The following ZNF608 variants were observed in gnomAD, a reference collection of about 807,000 sequenced individuals.
The protein encoded by ZNF608 is renal carcinoma antigen NY-REN-36.
In ZNF608, 12 loss-of-function variants were observed where a neutral mutation model predicts 109.0. The observed-to-expected ratio is 0.11, with a 90% confidence interval of 0.07 to 0.18. The LOEUF (loss-of-function observed/expected upper bound fraction) is 0.18. Among genes scored for constraint, ZNF608 ranks in the 10% least tolerant of loss-of-function variants. The probability of loss-of-function intolerance (pLI) is 1.00; values close to 1 mark genes in which losing one functional copy is unlikely to be tolerated. For missense variants in ZNF608, 1,707 were observed against 1,879.3 expected (o/e 0.91, Z 1.70); for synonymous variants, 732 against 717.4 (o/e 1.02, Z -0.33).
intron 2 of ZNF608, among the ~76,000 whole-genome samples, chr5:124,707,050 G>T (rs566245100): frequency 6.6e-6 from 1 of 152,132 alleles, no homozygotes; most frequent in South Asian, 2.1e-4. Flanking sequence ...TATTTTCTCC[G>T]TTCACCTTCT....
chr5:124,681,564 A>G (rs1409498036), intron 3 of ZNF608, among the ~76,000 whole-genome samples: 1 of 152,152 alleles, frequency 6.6e-6, no homozygotes, highest in Non-Finnish European at 1.5e-5. Flanking sequence ...TCCTAGGAAG[A>G]TCCCATCTCT....
upstream of ZNF608, among the ~76,000 whole-genome samples, chr5:124,747,515 T>C (rs994109496): frequency 4.6e-5 from 7 of 151,640 alleles, no homozygotes; most frequent in Admixed American, 1.3e-4. Context: ...AAGGGCTCAA[T>C]TGGTTGTCGT....
intron 8 of ZNF608, among the ~76,000 whole-genome samples, chr5:124,640,431 A>G (rs573485291): frequency 1.3e-5 from 2 of 152,286 alleles, no homozygotes; most frequent in South Asian, 4.1e-4. Context: ...CTCATGCACA[A>G]AGAAGAGGTC....
At chr5:124,715,969 C>G (rs1473405780) in intron 2 of ZNF608, among the ~76,000 whole-genome samples, 1 of 151,874 alleles carries the variant, frequency 6.6e-6, no homozygotes, top group East Asian at 1.9e-4. Flanking sequence ...CGGTGAAACC[C>G]TGTCTCTACT....
chr5:124,637,860 A>C lies in ZNF608; in HGVS notation c.*40T>G. ...TGATGTCTGTATAAAGCGCTTCCCC[A>C]TGTGATCCAGTCACATGACAATGTA... On this transcript the variant is annotated 3_prime_UTR_variant, in exon 10 of 10. Coordinates refer to ENST00000513986, the MANE Select transcript of ZNF608 (RefSeq NM_020747.3). The C allele has an allele frequency of 4.4e-6, 7 of 1,602,018 alleles. No homozygotes were observed. The highest frequency in any genetic ancestry group is 6.0e-6 in the Non-Finnish European group (7 of 1,174,478).
intron 3 of ZNF608, among the ~76,000 whole-genome samples, chr5:124,668,189 C>T (rs1218635109): frequency 2.0e-5 from 2 of 100,212 alleles, no homozygotes; most frequent in Non-Finnish European, 3.9e-5. Flanking sequence ...CTTCTCTATG[C>T]TTAAAAATAT....
intron 2 of ZNF608, among the ~76,000 whole-genome samples, chr5:124,702,687 T>C (rs1356269891): frequency 6.6e-6 from 1 of 152,170 alleles, no homozygotes; most frequent in Non-Finnish European, 1.5e-5. Context: ...GCCTGAGTGA[T>C]CCAAGATGCA....
chr5:124,648,661 C>A lies in ZNF608; in HGVS notation c.1723G>T (p.Ala575Ser). The A allele has an allele frequency of 6.2e-7, 1 of 1,614,218 alleles. No individual in the cohort carries two copies. Among genetic ancestry groups the A allele is most frequent in the Non-Finnish European group, 8.5e-7 (1 of 1,180,036 alleles). Reference sequence around the variant, plus strand: ...TTTTCTGGGTCTAAGTGTGCATGAGCCTGGTGGTACCTCAGGCCGTTAATG... The same window carrying A: ...TTTTCTGGGTCTAAGTGTGCATGAGACTGGTGGTACCTCAGGCCGTTAATG... ...KHINGLRYHQ[A>S]HAHLDPENKL... The change falls in exon 5 of 10, where the codon GCT becomes TCT. Residue 575 changes from alanine (A) to serine (S), a missense_variant. Ala to Ser is a moderately conservative substitution (Grantham distance 99, BLOSUM62 1). This residue lies in a region of ZNF608 where 22 missense variants were observed against 52.2 expected (regional missense o/e 0.42). Transcript: ENST00000513986.
intron 2 of ZNF608, among the ~76,000 whole-genome samples, chr5:124,720,524 A>T (rs1753861719): frequency 1.3e-5 from 2 of 152,246 alleles, no homozygotes; most frequent in African/African-American, 4.8e-5. Flanking sequence ...ACAGACTTTC[A>T]TGGTAAACAT....
chr5:124,744,145 A>G lies in ZNF608; in HGVS notation c.845T>C (p.Val282Ala). 1.9e-6 allele frequency: 3 copies of G among 1,611,576 alleles called. No individual in the cohort carries two copies. The highest frequency in any genetic ancestry group is 1.1e-5 in the South Asian group (1 of 90,812). Residue 282 changes from valine to alanine, a missense_variant, in exon 2 of 10, where the codon GTA becomes GCA. Val to Ala is a moderately conservative substitution (Grantham distance 64). Coordinates refer to ENST00000513986, the MANE Select transcript of ZNF608 (RefSeq NM_020747.3). The surrounding 1 kb of genome is among the most constrained non-coding windows in gnomAD (Gnocchi z 4.5). ...DSGLMGNSML[V>A]KKEEEEEESH... ...CTCCTCCTCCTCCTCTTCCTTCTTT[A>G]CCAACATAGAGTTTCCCATGAGCCC... is the stretch of plus-strand genomic sequence containing the variant.
At chr5:124,694,273 T>G (rs1752752088) in intron 3 of ZNF608, among the ~76,000 whole-genome samples, 1 of 150,486 alleles carries the variant, frequency 6.6e-6, no homozygotes, top group Non-Finnish European at 1.5e-5. Flanking sequence ...TATTACAGGC[T>G]TGAGCCACTG....
At chr5:124,726,932 T>C (rs866785162) in intron 2 of ZNF608, among the ~76,000 whole-genome samples, 10 of 152,322 alleles carry the variant, frequency 6.6e-5, no homozygotes, top group Middle Eastern at 3.4e-3. Flanking sequence ...TCCAACCAAC[T>C]GGGATTCCGG....
chr5:124,638,845 G>T, intron 9 of ZNF608: 1 of 1,138,500 alleles, frequency 8.8e-7, no homozygotes, highest in South Asian at 1.9e-5. Flanking sequence ...ATAAAACAAA[G>T]GGAGTCATGG....
At chr5:124,655,474 C>A (rs1174618831) in intron 3 of ZNF608, among the ~76,000 whole-genome samples, 2 of 152,236 alleles carry the variant, frequency 1.3e-5, no homozygotes, top group African/African-American at 2.4e-5. Flanking sequence ...ATTTGATGTG[C>A]ATCCAGGCAG....
intron 5 of ZNF608, among the ~76,000 whole-genome samples, chr5:124,644,982 G>C (rs915672680): frequency 6.6e-6 from 1 of 152,126 alleles, no homozygotes; most frequent in African/African-American, 2.4e-5. Context: ...ATTCAGAGCT[G>C]GGCCCTTAAT....
At chr5:124,689,637 C>G (rs1295582902) in intron 3 of ZNF608, among the ~76,000 whole-genome samples, 2 of 152,128 alleles carry the variant, frequency 1.3e-5, no homozygotes, top group Non-Finnish European at 2.9e-5. Flanking sequence ...TGGTAAGTAC[C>G]AGCAAAGAGG....
At position 124,746,275 on chromosome 5, in the gene ZNF608, C is replaced by T. The variant is rs1164407950; in HGVS notation, c.-264G>A. The T allele has an allele frequency of 1.0e-6, 1 of 985,270 alleles. No homozygotes were observed. The highest frequency in any genetic ancestry group is 1.7e-5 in the African/African-American group (1 of 57,210). The allele number at this position is 985,270 out of a possible 1,614,324, so 61.0% of individuals were successfully genotyped here. On this transcript the variant is annotated 5_prime_UTR_variant, in exon 1 of 10. Coordinates refer to ENST00000513986, the MANE Select transcript of ZNF608 (RefSeq NM_020747.3). ...CTCCACTCGGCAAACAAGCCTGTGC[C>T]TCATTTTACTTAAACACCAAATGAT...
intron 7 of ZNF608, among the ~76,000 whole-genome samples, chr5:124,642,739 C>T (rs190106287): frequency 6.9e-6 from 1 of 145,112 alleles, no homozygotes. Flanking sequence ...TGCTCTGTCG[C>T]CCACGCTAGA....
Position 124,648,894 on chromosome 5 carries a change from G to T in ZNF608, c.1490C>A (p.Thr497Asn). The T allele has an allele frequency of 1.9e-6, 3 of 1,614,036 alleles. No individual in the cohort carries two copies. Among genetic ancestry groups the T allele is most frequent in the Non-Finnish European group, 2.5e-6 (3 of 1,179,958 alleles). ...AEDIKASPSS[T>N]NKRKNKPPME... is the part of the protein sequence containing the mutation. ...TGGAGGCTTGTTTTTCCTTTTGTTGGTGGAGGAAGGGCTGGCTTTGATATC... is the reference window on the plus strand; with the variant it reads ...TGGAGGCTTGTTTTTCCTTTTGTTGTTGGAGGAAGGGCTGGCTTTGATATC... Residue 497 changes from threonine to asparagine, a missense_variant, in exon 5 of 10, where the codon ACC (threonine) becomes AAC (asparagine). Around this residue, in one of 7 missense-constraint regions of ZNF608, gnomAD observed 166 missense variants for 204.2 expected, o/e 0.81. Coordinates refer to ENST00000513986, the MANE Select transcript of ZNF608 (RefSeq NM_020747.3).
Sources: allele counts gnomAD v4.1 joint callset (sites outside exome capture counted in the v4.1 genomes callset), GRCh38; gene constraint gnomAD v4.1.1; regional missense constraint gnomAD v4.1.1; non-coding constraint Gnocchi (gnomAD v3.1); transcripts MANE v1.5; gene names NCBI Gene and HGNC (gene_info 2026-07-23, HGNC 2026-07-21).